ARHGEF9: variants seen among roughly 807,000 people sequenced by gnomAD.
ARHGEF9 encodes the protein rho guanine nucleotide exchange factor 9.
Under a neutral mutation model 41.3 loss-of-function variants are expected in ARHGEF9, and 2 were observed. The observed-to-expected ratio is 0.05, with a 90% CI of 0.02 to 0.15. The LOEUF (loss-of-function observed/expected upper bound fraction) is 0.15. Ranked by LOEUF, ARHGEF9 falls within the 10% of genes least tolerant of loss-of-function variation. ARHGEF9 has a pLI of 1.00. For missense variants in ARHGEF9, 225 were observed against 424.7 expected, an observed-to-expected ratio of 0.53 and a Z score of 4.13; for synonymous variants, 160 against 154.4, an observed-to-expected ratio of 1.04 and a Z score of -0.27.
intron 3 of ARHGEF9, among the ~76,000 whole-genome samples, chrX:63,699,269 A>T (rs1736856097): frequency 8.9e-6 from 1 of 111,931 alleles, no homozygotes; most frequent in Non-Finnish European, 1.9e-5. Context: ...ACAGTGGCAC[A>T]TTCAACATAT....
chrX:63,737,923 T>C (rs146860463), intron 1 of ARHGEF9, among the ~76,000 whole-genome samples: 1,371 of 112,471 alleles, frequency 0.012, 21 homozygotes, highest in African/African-American at 0.043. Flanking sequence ...TAATAAAAAA[T>C]GGCTAACATT....
At chrX:63,658,017 C>CA (rs1323699792) in intron 7 of ARHGEF9, 2 of 112,174 alleles carry the variant, frequency 1.8e-5, no homozygotes, top group Non-Finnish European at 3.8e-5. Flanking sequence ...GCTCCGCCCC[C>CA]ATTCCGAGTT....
intron 6 of ARHGEF9, among the ~76,000 whole-genome samples, chrX:63,668,466 G>A (rs1556351445): frequency 9.0e-6 from 1 of 111,281 alleles, no homozygotes; most frequent in Non-Finnish European, 1.9e-5. Flanking sequence ...CTTGCAACAT[G>A]TAACTCCACC....
chrX:63,706,896 A>T (rs1556402731), intron 2 of ARHGEF9, among the ~76,000 whole-genome samples: 1 of 112,086 alleles, frequency 8.9e-6, no homozygotes, highest in East Asian at 2.8e-4. Flanking sequence ...TCAAAATTTG[A>T]CTGTAAAGTG....
intron 9 of ARHGEF9, 73 bp from the exon 10 acceptor site, chrX:63,638,282 C>A: frequency 1.0e-6 from 1 of 953,071 alleles, no homozygotes; most frequent in South Asian, 2.1e-5. Flanking sequence ...TACCCAGTGA[C>A]CACTCTGGGC....
chrX:63,737,900 G>T (rs782554782), intron 1 of ARHGEF9, among the ~76,000 whole-genome samples: 63 of 112,132 alleles, frequency 5.6e-4, no homozygotes, highest in Admixed American at 4.4e-3. Context: ...GTCCAGTGGG[G>T]TTTTTTTCCT....
intron 1 of ARHGEF9, among the ~76,000 whole-genome samples, chrX:63,752,535 A>C (rs1230996364): frequency 9.0e-6 from 1 of 111,590 alleles, no homozygotes; most frequent in Non-Finnish European, 1.9e-5. Context: ...TTATCTTTGC[A>C]AAGAAATAGG....
intron 2 of ARHGEF9, among the ~76,000 whole-genome samples, chrX:63,720,632 C>A (rs1188721643): frequency 8.9e-6 from 1 of 112,084 alleles, no homozygotes; most frequent in African/African-American, 3.2e-5. Flanking sequence ...GGCCTGGGTT[C>A]AAGTCCTGGC....
chrX:63,755,361 G>A (rs1602721357), intron 1 of ARHGEF9: 2 of 522,381 alleles, frequency 3.8e-6, no homozygotes, highest in Non-Finnish European at 5.3e-6. Flanking sequence ...CACCAGTTCT[G>A]GTTTGGGGGT....
intron 8 of ARHGEF9, among the ~76,000 whole-genome samples, chrX:63,646,705 C>G (rs1410250454): frequency 8.9e-6 from 1 of 111,951 alleles, no homozygotes; most frequent in African/African-American, 3.2e-5. Context: ...ATTGACTTGG[C>G]AATGCGGGCT....
intron 4 of ARHGEF9, among the ~76,000 whole-genome samples, chrX:63,685,783 T>C (rs2050946716): frequency 8.9e-6 from 1 of 111,803 alleles, no homozygotes; most frequent in African/African-American, 3.2e-5. Flanking sequence ...TTGTGCCATA[T>C]ATAAAAATTA....
chrX:63,700,845 C>CA (rs1219024350), intron 3 of ARHGEF9, among the ~76,000 whole-genome samples: 2 of 111,471 alleles, frequency 1.8e-5, no homozygotes, highest in African/African-American at 6.5e-5. Flanking sequence ...TTGAACGCCC[C>CA]ATCTGAATGG....
At chrX:63,736,903 A>C (rs1272533076) in intron 1 of ARHGEF9, 1 of 111,931 alleles carries the variant, frequency 8.9e-6, no homozygotes, top group East Asian at 2.8e-4. Context: ...TGTTTTATAA[A>C]AAAAAACTCC....
intron 8 of ARHGEF9, among the ~76,000 whole-genome samples, chrX:63,645,029 C>A (rs1243749977): frequency 9.1e-6 from 1 of 109,893 alleles, no homozygotes; most frequent in Non-Finnish European, 1.9e-5. Context: ...CCCACCTCAG[C>A]CTCCCAAAAT....
intron 2 of ARHGEF9, among the ~76,000 whole-genome samples, chrX:63,721,762 G>A (rs1393722235): frequency 9.1e-6 from 1 of 110,440 alleles, no homozygotes; most frequent in Non-Finnish European, 1.9e-5. Flanking sequence ...TAGATATGAG[G>A]ACTGATGTTC....
At chrX:63,684,032 T>A (rs781812947) in intron 4 of ARHGEF9, among the ~76,000 whole-genome samples, 14 of 110,726 alleles carry the variant, frequency 1.3e-4, no homozygotes, top group Non-Finnish European at 2.7e-4. Flanking sequence ...AGGTAGCCTA[T>A]AGACTGAGTG....
intron 4 of ARHGEF9, among the ~76,000 whole-genome samples, chrX:63,692,109 T>C (rs782016107): frequency 1.8e-5 from 2 of 111,630 alleles, no homozygotes; most frequent in East Asian, 5.6e-4. Flanking sequence ...ACTACTAGAA[T>C]AAAACACTGG....
At chrX:63,781,028 G>A (rs1365556743) in intron 1 of ARHGEF9, among the ~76,000 whole-genome samples, 1 of 111,955 alleles carries the variant, frequency 8.9e-6, no homozygotes, top group Non-Finnish European at 1.9e-5. Context: ...GTGACCAATT[G>A]TAGTTTTATG....
In ARHGEF9 at chrX:63,653,215, C is replaced by A. The variant is rs782600620; in HGVS notation, c.1321+2279G>T. Among the ~76,000 whole-genome samples the A allele has an allele frequency of 1.6e-3, 175 of 111,474 alleles. 1 individual carries two copies. The highest frequency in any genetic ancestry group is 5.4e-3 in the African/African-American group (167 of 30,740). ...TTAAAAGTAGAGCCTAGGTCTCACA[C>A]AGAAAGGGCAGAAATTCTACCTGTG... On this transcript the variant is annotated intron_variant, in intron 8 of 9. Transcript: ENST00000671741.
Sources: gnomAD v4.1 joint callset for allele counts (sites outside exome capture counted in the v4.1 genomes callset) on GRCh38, gnomAD v4.1.1 for gene constraint, MANE v1.5 for transcripts, NCBI Gene and HGNC (gene_info 2026-07-23, HGNC 2026-07-21) for gene names.